Variants in GGA1 observed in about 807,000 individuals in gnomAD.
The protein encoded by GGA1 is golgi associated, gamma adaptin ear containing, ARF binding protein 1, also known as ADP-ribosylation factor-binding protein GGA1.
In GGA1, 18 loss-of-function variants were observed where a neutral mutation model predicts 76.9. That is an observed-to-expected ratio of 0.23 (90% CI 0.16 to 0.35). GGA1 has a LOEUF of 0.35. GGA1 is among the 10% of genes least tolerant of loss of function. The probability of loss-of-function intolerance (pLI) is 1.00; values close to 1 mark genes in which losing one functional copy is unlikely to be tolerated. For synonymous variants in GGA1, 342 were observed against 354.7 expected, an observed-to-expected ratio of 0.96 and a Z score of 0.40; for missense variants, 755 against 859.0, an observed-to-expected ratio of 0.88 and a Z score of 1.51.
chr22:37,632,494 G>A lies in GGA1; in HGVS notation c.1788G>A (p.Leu596=). 6.2e-7 allele frequency: 1 copy of A among 1,613,436 alleles called. No homozygotes were observed. The highest frequency in any genetic ancestry group is 8.5e-7 in the Non-Finnish European group (1 of 1,179,410). ...IVHPSAITQV[L]LLANPQKEKV... ...ACCCCTCAGCAATCACCCAGGTCCTGCTGCTTGCCAACCCCCAGAAGGTAA... is the reference window on the plus strand; with the variant it reads ...ACCCCTCAGCAATCACCCAGGTCCTACTGCTTGCCAACCCCCAGAAGGTAA... Residue 596 remains leucine, a synonymous_variant, in exon 16 of 17, where the codon CTG becomes CTA. Coordinates refer to ENST00000343632, the MANE Select transcript of GGA1 (RefSeq NM_013365.5). This position sits in a 1 kb window ranked among gnomAD's most constrained non-coding sequence, Gnocchi z 5.1.
At chr22:37,611,210 G>A (rs887063420) in intron 1 of GGA1, among the ~76,000 whole-genome samples, 4 of 152,046 alleles carry the variant, frequency 2.6e-5, no homozygotes, top group African/African-American at 9.7e-5. Flanking sequence ...AGGTCAACAG[G>A]GGCTTCATTT....
Position 37,632,546 on chromosome 22 carries a change from G to T in GGA1, c.1809+31G>T. On this transcript the variant is annotated intron_variant, in intron 16 of 16. Coordinates refer to ENST00000343632, the MANE Select transcript of GGA1 (RefSeq NM_013365.5). This position sits in a 1 kb window ranked among gnomAD's most constrained non-coding sequence, Gnocchi z 5.1. ...GGGCCCCCAGGCAGTGCTGCAGGGT[G>T]GGGACGGCCACTTCTCCTCCTCTGA... is the stretch of plus-strand genomic sequence containing the variant. 1.9e-6 allele frequency: 3 copies of T among 1,582,446 alleles called. No homozygotes were observed. The highest frequency in any genetic ancestry group is 2.6e-6 in the Non-Finnish European group (3 of 1,151,350).
intron 3 of GGA1, chr22:37,617,271 T>G: frequency 7.5e-7 from 1 of 1,337,848 alleles, no homozygotes; most frequent in Non-Finnish European, 9.5e-7. Flanking sequence ...GCACATCGGC[T>G]GCCTCTCCAG....
At chr22:37,628,698 C>G (rs1931273262) in intron 11 of GGA1, among the ~76,000 whole-genome samples, 1 of 152,258 alleles carries the variant, frequency 6.6e-6, no homozygotes, top group African/African-American at 2.4e-5. Flanking sequence ...TCACAGCTTC[C>G]TGGTACCCTT....
rs770041658 is a variant in GGA1 at position 37,623,524 on chromosome 22, C to T, written c.751-28C>T. On this transcript the variant is annotated intron_variant, in intron 8 of 16. Coordinates refer to ENST00000343632, the MANE Select transcript of GGA1 (RefSeq NM_013365.5). This position sits in a 1 kb window ranked among gnomAD's most constrained non-coding sequence, Gnocchi z 4.6. ...TGCCCACTCCACAGCCCACGCGGACCCTGACCCGCCCATCCTGCTGCCCTC... is the reference window on the plus strand; with the variant it reads ...TGCCCACTCCACAGCCCACGCGGACTCTGACCCGCCCATCCTGCTGCCCTC... The T allele has an allele frequency of 6.2e-7, 1 of 1,613,016 alleles. No homozygotes were observed. Among genetic ancestry groups the T allele is most frequent in the Non-Finnish European group, 8.5e-7 (1 of 1,179,328 alleles).
chr22:37,624,728 A>T lies in GGA1; in HGVS notation c.833-241A>T. On this transcript the variant is annotated intron_variant, in intron 9 of 16. Coordinates refer to ENST00000343632, the MANE Select transcript of GGA1 (RefSeq NM_013365.5). The surrounding 1 kb of genome is among the most constrained non-coding windows in gnomAD (Gnocchi z 4.3). ...GCTGGAGTGGAGGCCTGGAGGCGGG[A>T]GCGGGCCCAGTGTGTTGAGACAGCC... The T allele has an allele frequency of 8.6e-6, 4 of 465,680 alleles. No homozygotes were observed. The South Asian group carries it at 8.7e-5, about 10-fold the overall frequency. The allele number at this position is 465,680 out of a possible 1,614,324, so 28.8% of individuals were successfully genotyped here. A position where few individuals can be genotyped will look rare whatever the true frequency, so the allele number is the denominator to read the frequency against.
chr22:37,629,711 CTT>C (rs1931448376), intron 12 of GGA1, among the ~76,000 whole-genome samples, 185 bp downstream of exon 12: 1 of 152,200 alleles, frequency 6.6e-6, no homozygotes, highest in African/African-American at 2.4e-5. Context: ...CCAGCTGTAT[CTT>C]CCCCAAGTCT....
chr22:37,617,315 C>G, intron 3 of GGA1: 1 of 1,254,828 alleles, frequency 8.0e-7, no homozygotes, highest in Non-Finnish European at 1.0e-6. Context: ...CAGGGCTCCA[C>G]CCAGACCTGC....
At position 37,632,734 on chromosome 22, in the gene GGA1, A is replaced by G. The variant is rs758873690; in HGVS notation, c.*23A>G. ...TAGAACAGAGGGGCTGGGGAGAGGAAGGGGCAGAGGGACCGGTCACTGTCC... is the reference window on the plus strand; with the variant it reads ...TAGAACAGAGGGGCTGGGGAGAGGAGGGGGCAGAGGGACCGGTCACTGTCC... On this transcript the variant is annotated 3_prime_UTR_variant, in exon 17 of 17. Transcript: ENST00000343632. This position sits in a 1 kb window ranked among gnomAD's most constrained non-coding sequence, Gnocchi z 5.1. 7.4e-7 allele frequency: 1 copy of G among 1,352,272 alleles called. No homozygotes were observed. The highest frequency in any genetic ancestry group is 1.0e-6 in the Non-Finnish European group (1 of 957,336). 83.8% of individuals were successfully genotyped at this position (1,352,272 alleles called of 1,614,324 possible). A position where few individuals can be genotyped will look rare whatever the true frequency, so the allele number is the denominator to read the frequency against.
chr22:37,632,771 A>T lies in GGA1; in HGVS notation c.*60A>T. ...ACCGGTCACTGTCCAGCCTGGAGGGAGGCATTGGTGGCCAAGGACACCCTT... is the reference window on the plus strand; with the variant it reads ...ACCGGTCACTGTCCAGCCTGGAGGGTGGCATTGGTGGCCAAGGACACCCTT... On this transcript the variant is annotated 3_prime_UTR_variant, in exon 17 of 17. Transcript: ENST00000343632. This position sits in a 1 kb window ranked among gnomAD's most constrained non-coding sequence, Gnocchi z 5.1. The T allele has an allele frequency of 9.6e-7, 1 of 1,045,056 alleles. No homozygotes were observed. Among genetic ancestry groups the T allele is most frequent in the Non-Finnish European group, 1.5e-6 (1 of 685,266 alleles). 64.7% of individuals were successfully genotyped at this position (1,045,056 alleles called of 1,614,324 possible).
intron 7 of GGA1, among the ~76,000 whole-genome samples, chr22:37,622,278 G>T (rs965847050): frequency 1.3e-5 from 2 of 151,790 alleles, no homozygotes; most frequent in African/African-American, 4.8e-5. Flanking sequence ...AAGGGGTTTC[G>T]CCACATTGCC....
intron 5 of GGA1, among the ~76,000 whole-genome samples, 157 bp downstream of exon 5, chr22:37,620,518 G>A (rs1248375179): frequency 1.3e-5 from 2 of 152,212 alleles, no homozygotes; most frequent in Non-Finnish European, 2.9e-5. Flanking sequence ...GCGGCCTTCT[G>A]TGCTCTGCCT....
At chr22:37,630,272 T>TCCC in intron 13 of GGA1, 102 bp downstream of exon 13, 3 of 834,446 alleles carry the variant, frequency 3.6e-6, no homozygotes, top group Non-Finnish European at 5.5e-6. Flanking sequence ...GAGAGGCTCG[T>TCCC]TGCTGTCTTG....
At chr22:37,610,155 G>A (rs1448914990) in intron 1 of GGA1, 1 of 152,194 alleles carries the variant, frequency 6.6e-6, no homozygotes, top group Non-Finnish European at 1.5e-5. Flanking sequence ...ACATTCTCAG[G>A]TTTAGAAACA....
At chr22:37,619,715 C>G (rs1412813747) in intron 4 of GGA1, 8 of 726,742 alleles carry the variant, frequency 1.1e-5, no homozygotes, top group Non-Finnish European at 2.0e-5. Flanking sequence ...TGACAGCCCA[C>G]CCCCTTGGCC....
chr22:37,612,070 C>T (rs1307223012), intron 1 of GGA1, among the ~76,000 whole-genome samples: 1 of 151,896 alleles, frequency 6.6e-6, no homozygotes, highest in Non-Finnish European at 1.5e-5. Context: ...GCAGGAGAAT[C>T]GTTTGAACCC....
chr22:37,621,752 C>A, intron 7 of GGA1, 56 bp downstream of exon 7: 1 of 1,171,412 alleles, frequency 8.5e-7, no homozygotes, highest in Non-Finnish European at 1.2e-6. Flanking sequence ...TTGAGCTGGG[C>A]CACTGAGATG....
intron 4 of GGA1, among the ~76,000 whole-genome samples, chr22:37,619,345 G>A (rs1464818264): frequency 1.3e-5 from 2 of 151,222 alleles, no homozygotes; most frequent in Non-Finnish European, 2.9e-5. Context: ...GATTACAGGC[G>A]TGAGCCACCA....
At chr22:37,621,858 A>C in intron 7 of GGA1, among the ~76,000 whole-genome samples, 162 bp downstream of exon 7, 1 of 151,990 alleles carries the variant, frequency 6.6e-6, no homozygotes, top group Non-Finnish European at 1.5e-5. Context: ...TGCAGGGAAG[A>C]ATTCCCGGCA....
Sources: gnomAD v4.1 joint callset for allele counts (sites outside exome capture counted in the v4.1 genomes callset) on GRCh38, gnomAD v4.1.1 for gene constraint, Gnocchi (gnomAD v3.1) non-coding constraint, MANE v1.5 for transcripts, NCBI Gene and HGNC (gene_info 2026-07-23, HGNC 2026-07-21) for gene names.